SUCLG2: variants seen among roughly 807,000 people sequenced by gnomAD.
SUCLG2 encodes succinate--CoA ligase [GDP-forming] subunit beta, mitochondrial.
Under a neutral mutation model 47.9 loss-of-function variants are expected in SUCLG2, and 42 were observed. The ratio of observed to expected loss-of-function variants is 0.88; its 90% CI spans 0.69 to 1.14. The LOEUF (loss-of-function observed/expected upper bound fraction) is 1.14, where lower values mean the gene tolerates loss of function less well. Ranked by LOEUF, SUCLG2 falls within the 50% of genes most tolerant of loss-of-function variation. SUCLG2 has a pLI of 0.00. For synonymous variants in SUCLG2, 195 were observed against 197.3 expected (o/e 0.99, Z 0.10); for missense variants, 571 against 525.9 (o/e 1.09, Z -0.84).
chr3:67,454,961 C>CAA (rs61683854), intron 9 of SUCLG2, among the ~76,000 whole-genome samples: 15 of 111,604 alleles, frequency 1.3e-4, no homozygotes, highest in African/African-American at 3.6e-4. Context: ...GACTCCGTCT[C>CAA]AAAAAAAAAA....
At chr3:67,641,747 G>A (rs1425219793) in intron 1 of SUCLG2, among the ~76,000 whole-genome samples, 1 of 152,140 alleles carries the variant, frequency 6.6e-6, no homozygotes, top group Non-Finnish European at 1.5e-5. Context: ...CCACATACTG[G>A]GTGGCTGAAA....
intron 2 of SUCLG2, among the ~76,000 whole-genome samples, chr3:67,533,497 C>T (rs2107156572): frequency 1.3e-5 from 2 of 152,212 alleles, no homozygotes; most frequent in Middle Eastern, 6.8e-3. Context: ...GATAGAATTC[C>T]TAATTGAGAA....
intron 9 of SUCLG2, among the ~76,000 whole-genome samples, chr3:67,433,178 A>G (rs1253320331): frequency 6.6e-6 from 1 of 152,162 alleles, no homozygotes; most frequent in African/African-American, 2.4e-5. Flanking sequence ...GCCCTTCTAT[A>G]AAAGCTACCC....
chr3:67,375,668 A>C lies in SUCLG2; in HGVS notation c.*76T>G. ...CCTTTTCTTCCCCAATGAGATAACCATTTCTTTCACAATGATGAACCATCC... is the reference window on the plus strand; with the variant it reads ...CCTTTTCTTCCCCAATGAGATAACCCTTTCTTTCACAATGATGAACCATCC... On this transcript the variant is annotated 3_prime_UTR_variant, in exon 11 of 11. Coordinates refer to ENST00000307227, the MANE Select transcript of SUCLG2 (RefSeq NM_003848.4). 2.0e-6 allele frequency: 3 copies of C among 1,499,086 alleles called. No homozygotes were observed. In the South Asian group the frequency reaches 4.1e-5, roughly 20 times the overall value. 92.9% of individuals were successfully genotyped at this position (1,499,086 alleles called of 1,614,324 possible). A position where few individuals can be genotyped will look rare whatever the true frequency, so the allele number is the denominator to read the frequency against.
At chr3:67,488,353 T>C (rs903010080) in intron 9 of SUCLG2, among the ~76,000 whole-genome samples, 12 of 152,108 alleles carry the variant, frequency 7.9e-5, no homozygotes, top group African/African-American at 2.9e-4. Context: ...CCTAATTCTC[T>C]GACAGTGGGT....
chr3:67,539,276 T>G (rs921746549), intron 2 of SUCLG2, among the ~76,000 whole-genome samples: 2 of 152,206 alleles, frequency 1.3e-5, no homozygotes, highest in African/African-American at 2.4e-5. Context: ...GAACCGGTGT[T>G]GATTTTTATC....
chr3:67,383,417 A>G (rs536221748), intron 10 of SUCLG2, among the ~76,000 whole-genome samples: 21 of 152,326 alleles, frequency 1.4e-4, no homozygotes, highest in African/African-American at 4.8e-4. Flanking sequence ...TGTGAATCAT[A>G]TCTAAATGCT....
At chr3:67,572,907 T>C (rs1476365104) in intron 2 of SUCLG2, among the ~76,000 whole-genome samples, 4 of 151,980 alleles carry the variant, frequency 2.6e-5, no homozygotes, top group African/African-American at 9.7e-5. Context: ...CATAGTTCTG[T>C]ATAGAGAAAA....
chr3:67,495,798 C>G lies in SUCLG2; in HGVS notation c.1062G>C (p.Lys354Asn). Residue 354 changes from lysine (K) to asparagine (N), a missense_variant and splice_region_variant, in exon 9 of 11, where the codon AAG becomes AAC. By Grantham distance (94) the Lys-to-Asn change is moderately conservative (BLOSUM62 0). Transcript: ENST00000307227. ...QAFKLLTADP[K>N]VEAILVNIFG... The stretch of plus-strand genomic sequence containing the variant: ...ATCTCCCTACAAAGAGAAAGGTTAC[C>G]TTAGGATCAGCTGTGAGCAATTTGA... 1 of 1,613,504 alleles carries G rather than the reference C, an allele frequency of 6.2e-7. No individual in the cohort carries two copies. The highest frequency in any genetic ancestry group is 8.5e-7 in the Non-Finnish European group (1 of 1,179,926).
chr3:67,516,712 G>A (rs1006555120), intron 6 of SUCLG2, among the ~76,000 whole-genome samples: 1 of 152,210 alleles, frequency 6.6e-6, no homozygotes, highest in Non-Finnish European at 1.5e-5. Context: ...AGTCCCTGCC[G>A]TGGTAAAGAT....
At chr3:67,652,837 T>C (rs1701311201) in intron 1 of SUCLG2, among the ~76,000 whole-genome samples, 1 of 152,232 alleles carries the variant, frequency 6.6e-6, no homozygotes, top group South Asian at 2.1e-4. Flanking sequence ...ATGAGCTGGC[T>C]GGACTAAATG....
downstream of SUCLG2, among the ~76,000 whole-genome samples, chr3:67,371,113 T>G (rs997692799): frequency 6.6e-6 from 1 of 152,188 alleles, no homozygotes; most frequent in Admixed American, 6.5e-5. Flanking sequence ...ACATCATGGC[T>G]TACTTTCATT....
At chr3:67,556,388 G>A (rs1433758946) in intron 2 of SUCLG2, among the ~76,000 whole-genome samples, 1 of 152,220 alleles carries the variant, frequency 6.6e-6, no homozygotes, top group Non-Finnish European at 1.5e-5. Flanking sequence ...CAGAAATGCA[G>A]TATCACGTTT....
intron 2 of SUCLG2, among the ~76,000 whole-genome samples, chr3:67,588,524 G>C (rs960121800): frequency 6.6e-6 from 1 of 152,152 alleles, no homozygotes; most frequent in Non-Finnish European, 1.5e-5. Flanking sequence ...TCCGAAATGA[G>C]ATTTTGACTT....
chr3:67,382,982 T>C (rs1012025126), intron 10 of SUCLG2, among the ~76,000 whole-genome samples: 3 of 152,242 alleles, frequency 2.0e-5, no homozygotes, highest in Non-Finnish European at 4.4e-5. Context: ...CTTGGTGACC[T>C]GTAAATTTAG....
chr3:67,408,357 T>C (rs1702862791), intron 9 of SUCLG2, among the ~76,000 whole-genome samples: 1 of 152,178 alleles, frequency 6.6e-6, no homozygotes, highest in Non-Finnish European at 1.5e-5. Flanking sequence ...ATAATTTTAG[T>C]GAGTCCACGA....
chr3:67,609,568 A>G lies in SUCLG2; in HGVS notation c.113T>C (p.Leu38Pro), dbSNP rs780954259. The change falls in exon 2 of 11, where the codon CTG becomes CCG. Residue 38 changes from leucine to proline, a missense_variant. By Grantham distance (98) the Leu-to-Pro change is moderately conservative (BLOSUM62 -3). Transcript: ENST00000307227. Reference protein sequence around the residue: ...QAVQLTSRRWLNLQEYQSKKL... With the variant: ...QAVQLTSRRWPNLQEYQSKKL... ...CTTGCTCTGGTATTCCTGCAGGTTC[A>G]GCCATCTTCTGGAGGTTAATTGAAC... 1 of 1,613,858 alleles carries G rather than the reference A, an allele frequency of 6.2e-7. No individual in the cohort carries two copies. The highest frequency in any genetic ancestry group is 8.5e-7 in the Non-Finnish European group (1 of 1,179,892).
chr3:67,410,184 T>C (rs1324503740), intron 9 of SUCLG2, among the ~76,000 whole-genome samples: 3 of 152,204 alleles, frequency 2.0e-5, no homozygotes, highest in Non-Finnish European at 2.9e-5. Flanking sequence ...CAGAGATCTA[T>C]GGTCCTTCTT....
At chr3:67,608,003 C>T (rs1011972536) in intron 2 of SUCLG2, among the ~76,000 whole-genome samples, 4 of 152,160 alleles carry the variant, frequency 2.6e-5, no homozygotes, top group South Asian at 2.1e-4. Context: ...TAGACTAATA[C>T]ACTCCTAAAG....
Sources: gnomAD v4.1 joint callset for allele counts (sites outside exome capture counted in the v4.1 genomes callset) on GRCh38, gnomAD v4.1.1 for gene constraint, MANE v1.5 for transcripts, NCBI Gene and HGNC (gene_info 2026-07-23, HGNC 2026-07-21) for gene names.